ITGAE: variants seen among roughly 807,000 people sequenced by gnomAD.
ITGAE encodes integrin alpha-E.
ITGAE carries 99 observed loss-of-function variants against 136.5 expected under a neutral mutation model. That is an observed-to-expected ratio of 0.73 (90% CI 0.62 to 0.86). The LOEUF (loss-of-function observed/expected upper bound fraction) is 0.86. ITGAE is among the 40% of genes least tolerant of loss of function. ITGAE has a pLI of 0.00. For missense variants in ITGAE, 1,447 were observed against 1,515.3 expected (o/e 0.95, Z 0.75); for synonymous variants, 613 against 591.8 (o/e 1.04, Z -0.52).
intron 2 of ITGAE, among the ~76,000 whole-genome samples, chr17:3,771,739 G>A (rs1456655187): frequency 5.3e-5 from 8 of 152,028 alleles, no homozygotes; most frequent in Admixed American, 4.6e-4. Context: ...GTTTCACCAT[G>A]TTGGCCAGGC....
chr17:3,782,298 A>AAC lies in ITGAE; in HGVS notation c.35-4639_35-4638insGT, dbSNP rs1555526388. On this transcript the variant is annotated intron_variant, in intron 1 of 30. Transcript: ENST00000263087. Reference sequence around the variant, plus strand: ...TCAAAAAAAAAAAAAAAAAAAAAAAAAAAGCATGGTCTGACCATGCCACTC... The same window carrying AAC: ...TCAAAAAAAAAAAAAAAAAAAAAAAAACAAAGCATGGTCTGACCATGCCACTC... Among the ~76,000 whole-genome samples, 80 of 102,154 alleles carry AAC rather than the reference A, an allele frequency of 7.8e-4. 13 individuals carry two copies. The highest frequency in any genetic ancestry group is 2.1e-3 in the African/African-American group (56 of 26,376). The allele number at this position is 102,154 out of a possible 152,430, so 67.0% of individuals were successfully genotyped here.
intron 1 of ITGAE, among the ~76,000 whole-genome samples, chr17:3,794,928 C>T (rs1383657364): frequency 6.6e-6 from 1 of 152,134 alleles, no homozygotes; most frequent in African/African-American, 2.4e-5. Flanking sequence ...TCCGTGGCAC[C>T]CCCCCGCTCT....
rs184224783 is a variant in ITGAE, at chr17:3,742,162, C to G, written c.2448+1327G>C. Among the ~76,000 whole-genome samples, 77 of 152,266 alleles carry G rather than the reference C, an allele frequency of 5.1e-4. 1 individual carries two copies. In the South Asian group the frequency reaches 0.013, roughly 27 times the overall value. ...AGGAACATTCTACAAAAGGACTGGC[C>G]TGTACCCTTCAAAAATGTTAATGTC... is the stretch of plus-strand genomic sequence containing the variant. On this transcript the variant is annotated intron_variant, in intron 19 of 30. Transcript: ENST00000263087.
At chr17:3,766,377 C>T (rs1327948756) in intron 2 of ITGAE, among the ~76,000 whole-genome samples, 1 of 152,036 alleles carries the variant, frequency 6.6e-6, no homozygotes, top group Non-Finnish European at 1.5e-5. Context: ...AGGAGGAGCC[C>T]GTCAGCCAAG....
intron 17 of ITGAE, among the ~76,000 whole-genome samples, chr17:3,746,250 G>A (rs2051711164): frequency 6.6e-6 from 1 of 152,028 alleles, no homozygotes; most frequent in Non-Finnish European, 1.5e-5. Context: ...AGACAACAAA[G>A]AGAATGGAGA....
At position 3,728,001 on chromosome 17, in the gene ITGAE, G is replaced by C. The variant is rs776652006; in HGVS notation, c.3002C>G (p.Ala1001Gly). 11 of 1,613,938 alleles carry C rather than the reference G, an allele frequency of 6.8e-6. No individual in the cohort carries two copies. The highest frequency in any genetic ancestry group is 1.3e-5 in the African/African-American group (1 of 75,040). ...FHVHGENLFG[A>G]EYQLQICVPT... ...GACGCAAATTTGCAACTGGTATTCT[G>C]CTCCAAAGAGGTTCTCCCCATGTAC... is the stretch of plus-strand genomic sequence containing the variant. Residue 1001 changes from alanine (A) to glycine (G), a missense_variant, in exon 26 of 31, where the codon GCA becomes GGA. This residue lies in a region of ITGAE where 1,031 missense variants were observed against 1,011.4 expected (regional missense o/e 1.02). Coordinates refer to ENST00000263087, the MANE Select transcript of ITGAE (RefSeq NM_002208.5).
intron 2 of ITGAE, among the ~76,000 whole-genome samples, chr17:3,771,783 C>G (rs1395995575): frequency 1.3e-5 from 2 of 152,120 alleles, no homozygotes; most frequent in Non-Finnish European, 2.9e-5. Flanking sequence ...GTGACCCGCC[C>G]GCCTTGGCCT....
chr17:3,756,020 A>C, intron 10 of ITGAE, 123 bp from the exon 11 acceptor site: 1 of 905,688 alleles, frequency 1.1e-6, no homozygotes, highest in Non-Finnish European at 1.7e-6. Context: ...CAGGAAGAGA[A>C]CCCGGCTGAG....
intron 11 of ITGAE, 94 bp from the exon 12 acceptor site, chr17:3,755,355 G>C: frequency 1.4e-6 from 2 of 1,394,172 alleles, no homozygotes; most frequent in Non-Finnish European, 1.9e-6. Flanking sequence ...GGCTAACCTG[G>C]CTGGGAGCAG....
chr17:3,748,360 A>C (rs9902548), intron 16 of ITGAE, among the ~76,000 whole-genome samples: 78,953 of 151,670 alleles, frequency 0.52, 21,484 homozygotes, highest in Non-Finnish European at 0.61. Flanking sequence ...CCGAGGCGGG[A>C]GGATCACCTG....
intron 2 of ITGAE, among the ~76,000 whole-genome samples, chr17:3,766,861 G>A (rs1433992220): frequency 2.7e-5 from 4 of 150,758 alleles, no homozygotes; most frequent in African/African-American, 4.9e-5. Context: ...CTGTGTTGTT[G>A]TAAGCCACTA....
At chr17:3,744,057 C>G (rs185976273) in intron 18 of ITGAE, among the ~76,000 whole-genome samples, 1 of 150,094 alleles carries the variant, frequency 6.7e-6, no homozygotes, top group Non-Finnish European at 1.5e-5. Flanking sequence ...GTCACCCAGT[C>G]TGGAGGGCAG....
rs2051701392 is a variant in ITGAE, at chr17:3,745,887, A to G, written c.2196T>C (p.Asp732=). 6.2e-7 allele frequency: 1 copy of G among 1,613,800 alleles called. No homozygotes were observed. The highest frequency in any genetic ancestry group is 1.3e-5 in the African/African-American group (1 of 74,894). The part of the protein sequence containing the change: ...EALLNFTLDV[D]VGKQRRRLQC... ...GCAGCCGTCTCCTCTGCTTCCCCACATCCACATCCAGCGTGAAGTTGAGAA... is the reference window on the plus strand; with the variant it reads ...GCAGCCGTCTCCTCTGCTTCCCCACGTCCACATCCAGCGTGAAGTTGAGAA... Residue 732 remains aspartate (D), a synonymous_variant, in exon 18 of 31, where the codon GAT becomes GAC. Transcript: ENST00000263087.
intron 22 of ITGAE, 54 bp from the exon 23 acceptor site, chr17:3,731,237 T>A (rs2051335213): frequency 7.3e-7 from 1 of 1,362,944 alleles, no homozygotes; most frequent in African/African-American, 1.4e-5. Flanking sequence ...CACTCACAAT[T>A]CAGACCGCTA....
chr17:3,717,002 G>A (rs1298505331), intron 29 of ITGAE: 5 of 495,510 alleles, frequency 1.0e-5, no homozygotes, highest in East Asian at 7.2e-5. Context: ...CAAATACTTC[G>A]TAAGAAACTA....
chr17:3,754,920 A>G (rs1199978459), intron 12 of ITGAE, among the ~76,000 whole-genome samples, 197 bp downstream of exon 12: 1 of 20,612 alleles, frequency 4.9e-5, no homozygotes, highest in Non-Finnish European at 9.1e-5. Flanking sequence ...GCCCTCACCC[A>G]GGTAGCCCCC....
intron 17 of ITGAE, 61 bp from the exon 18 acceptor site, chr17:3,745,988 C>T (rs1247479184): frequency 6.7e-7 from 1 of 1,502,700 alleles, no homozygotes; most frequent in Non-Finnish European, 9.1e-7. Flanking sequence ...AGACAGAAGG[C>T]CCCCAGCCTG....
rs1597364241 is a variant in ITGAE, at chr17:3,782,392, A to C, written c.35-4732T>G. 4.4e-5 allele frequency among the ~76,000 whole-genome samples: 5 copies of C among 113,068 alleles called. 1 individual carries two copies. The South Asian group carries it at 1.6e-3, about 36-fold the overall frequency. 74.2% of individuals were successfully genotyped at this position (113,068 alleles called of 152,430 possible). ...GTGTACTTTTTTTTTTTTGAGATGG[A>C]GTTTCGCTCTTGTCGCCCGAGCTAG... On this transcript the variant is annotated intron_variant, in intron 1 of 30. Coordinates refer to ENST00000263087, the MANE Select transcript of ITGAE (RefSeq NM_002208.5).
Position 3,798,807 on chromosome 17 carries a change from G to A in ITGAE, c.34+2304C>T, listed in dbSNP as rs2053182982. Among the ~76,000 whole-genome samples the A allele has an allele frequency of 6.6e-6, 1 of 152,198 alleles. No individual in the cohort carries two copies. Among genetic ancestry groups the A allele is most frequent in the African/African-American group, 2.4e-5 (1 of 41,414 alleles). ...GTTGATGTGACTGCAGAATGAGTCAGGGGTGAAGACTGACTTGGGGACAGC... is the reference window on the plus strand; with the variant it reads ...GTTGATGTGACTGCAGAATGAGTCAAGGGTGAAGACTGACTTGGGGACAGC... On this transcript the variant is annotated intron_variant, in intron 1 of 30. Transcript: ENST00000263087. This position sits in a 1 kb window ranked among gnomAD's most constrained non-coding sequence, Gnocchi z 4.3.
Sources: gnomAD v4.1 joint callset for allele counts (sites outside exome capture counted in the v4.1 genomes callset) on GRCh38, gnomAD v4.1.1 for gene constraint, gnomAD v4.1.1 regional missense constraint, Gnocchi (gnomAD v3.1) non-coding constraint, MANE v1.5 for transcripts, NCBI Gene and HGNC (gene_info 2026-07-23, HGNC 2026-07-21) for gene names.